DCT: variants seen among roughly 807,000 people sequenced by gnomAD.
DCT encodes dopachrome tautomerase.
Under a neutral mutation model 53.0 loss-of-function variants are expected in DCT, and 47 were observed. The ratio of observed to expected loss-of-function variants is 0.89; its 90% CI spans 0.70 to 1.13. The LOEUF is 1.13. Ranked by LOEUF, DCT falls within the 50% of genes most tolerant of loss-of-function variation. DCT has a pLI of 0.00. For synonymous variants in DCT, 244 were observed against 237.0 expected (o/e 1.03, Z -0.27); for missense variants, 669 against 637.4 (o/e 1.05, Z -0.53).
chr13:94,513,613 G>T, the DCT span, among the ~76,000 whole-genome samples: 1 of 152,034 alleles, frequency 6.6e-6, no homozygotes. Context: ...AGCAGCCAGA[G>T]GTCCACACAC....
At chr13:94,541,826 A>C in the DCT span, among the ~76,000 whole-genome samples, 4 of 152,204 alleles carry the variant, frequency 2.6e-5, no homozygotes, top group Admixed American at 2.0e-4. Context: ...TCCATAAAAA[A>C]TGTTTTTAAT....
At chr13:94,459,994 A>G in intron 6 of DCT, 97 bp downstream of exon 6, 1 of 1,281,588 alleles carries the variant, frequency 7.8e-7, no homozygotes, top group Non-Finnish European at 1.1e-6. Context: ...CATTGTTCAC[A>G]CAGAGAATAA....
intron 2 of DCT, 62 bp downstream of exon 2, chr13:94,468,684 C>A (rs1884389808): frequency 3.5e-6 from 5 of 1,433,230 alleles, no homozygotes; most frequent in Admixed American, 3.7e-5. Flanking sequence ...CTTCCCACTG[C>A]CATACCCTCA....
intron 6 of DCT, among the ~76,000 whole-genome samples, chr13:94,447,283 G>C (rs1350323206): frequency 6.6e-6 from 1 of 152,208 alleles, no homozygotes; most frequent in Non-Finnish European, 1.5e-5. Context: ...TGGGAAGGGA[G>C]ATGGTTTCAG....
the DCT span, among the ~76,000 whole-genome samples, chr13:94,520,234 A>C: frequency 6.6e-6 from 1 of 152,204 alleles, no homozygotes; most frequent in African/African-American, 2.4e-5. Flanking sequence ...TGTTCTCTTT[A>C]TTTCACAATC....
At chr13:94,498,908 GCT>G in the DCT span, among the ~76,000 whole-genome samples, 4 of 152,070 alleles carry the variant, frequency 2.6e-5, no homozygotes, top group Admixed American at 6.5e-5. Flanking sequence ...ACCAATCATT[GCT>G]CTGTGTCCAG....
At chr13:94,512,707 CAT>C in the DCT span, among the ~76,000 whole-genome samples, 112 of 123,536 alleles carry the variant, frequency 9.1e-4, 1 homozygote, top group Admixed American at 1.1e-3. Flanking sequence ...CCAATGGTTT[CAT>C]ATATATATAT....
the DCT span, among the ~76,000 whole-genome samples, chr13:94,499,465 A>T: frequency 1.3e-5 from 2 of 150,682 alleles, no homozygotes; most frequent in African/African-American, 2.4e-5. Context: ...CATGAGAGTG[A>T]GTGTGTGTGT....
At chr13:94,507,869 TTA>T in the DCT span, among the ~76,000 whole-genome samples, 1 of 152,210 alleles carries the variant, frequency 6.6e-6, no homozygotes, top group Non-Finnish European at 1.5e-5. Context: ...ACTTCTAACT[TTA>T]TAGAGTCAAG....
At chr13:94,466,330 G>A (rs1328196617) in intron 3 of DCT, among the ~76,000 whole-genome samples, 2 of 151,824 alleles carry the variant, frequency 1.3e-5, no homozygotes, top group African/African-American at 4.8e-5. Flanking sequence ...ACGTTGTATT[G>A]TGTACTGGTG....
chr13:94,484,690 T>G, the DCT span, among the ~76,000 whole-genome samples: 1 of 152,226 alleles, frequency 6.6e-6, no homozygotes, highest in African/African-American at 2.4e-5. Flanking sequence ...TCTCTGCACA[T>G]GCACTTCTGG....
Position 94,479,103 on chromosome 13 carries a change from GA to G in DCT, c.152del (p.Val51AlafsTer75), listed in dbSNP as rs752193041. 2 of 1,614,200 alleles carry G rather than the reference GA, an allele frequency of 1.2e-6. No homozygotes were observed. Among genetic ancestry groups the G allele is most frequent in the Middle Eastern group, 3.3e-4 (2 of 6,062 alleles). ...CPRLGAESAN[V>X]CGSQQGRGQC... ...GCCCCCGGCCTTGCTGAGAGCCACA[GA>G]CATTGGCCGACTCTGCACCCAGGCG... On this transcript the variant is annotated frameshift_variant, in exon 1 of 8. Transcript: ENST00000377028. LOFTEE classifies it high-confidence loss of function.
At chr13:94,516,788 G>T in the DCT span, among the ~76,000 whole-genome samples, 1 of 140,296 alleles carries the variant, frequency 7.1e-6, no homozygotes, top group African/African-American at 2.6e-5. Context: ...CACCAAGAAG[G>T]TCCTCACCAA....
At chr13:94,446,749 C>A (rs989250400) in intron 6 of DCT, among the ~76,000 whole-genome samples, 14 of 152,112 alleles carry the variant, frequency 9.2e-5, no homozygotes, top group Admixed American at 5.2e-4. Context: ...GACCTCACTC[C>A]TACCTTCTCG....
At chr13:94,448,142 G>C (rs1594279062) in intron 6 of DCT, among the ~76,000 whole-genome samples, 1 of 152,238 alleles carries the variant, frequency 6.6e-6, no homozygotes, top group East Asian at 1.9e-4. Flanking sequence ...AGCTACTTGA[G>C]GCTGAGATGC....
chr13:94,444,671 T>A (rs188182825), intron 6 of DCT, among the ~76,000 whole-genome samples: 14 of 152,306 alleles, frequency 9.2e-5, no homozygotes, highest in Admixed American at 4.6e-4. Context: ...AGGGGCAGTG[T>A]CCTTTTTTCA....
the DCT span, among the ~76,000 whole-genome samples, chr13:94,522,458 G>T: frequency 6.6e-6 from 1 of 151,892 alleles, no homozygotes; most frequent in Non-Finnish European, 1.5e-5. Context: ...GCCTATTGTG[G>T]GACCTTGTGC....
At chr13:94,470,936 C>T (rs9590018) in intron 1 of DCT, among the ~76,000 whole-genome samples, 15,356 of 152,266 alleles carry the variant, frequency 0.1, 972 homozygotes, top group South Asian at 0.2. Flanking sequence ...TTGTTCAAAA[C>T]AAATGTGTGT....
At chr13:94,476,484 T>G (rs1439751030) in intron 1 of DCT, among the ~76,000 whole-genome samples, 1 of 147,702 alleles carries the variant, frequency 6.8e-6, no homozygotes, top group East Asian at 1.9e-4. Context: ...TTTTTTTTTT[T>G]TTTTTCTGAG....
Sources: gnomAD v4.1 joint callset for allele counts (sites outside exome capture counted in the v4.1 genomes callset) on GRCh38, gnomAD v4.1.1 for gene constraint, MANE v1.5 for transcripts, NCBI Gene and HGNC (gene_info 2026-07-23, HGNC 2026-07-21) for gene names.